The following CSPP1 variants were observed in gnomAD, a reference collection of about 807,000 sequenced individuals.
CSPP1 encodes the protein centrosome and spindle pole-associated protein 1.
Under a neutral mutation model 164.4 loss-of-function variants are expected in CSPP1, and 126 were observed. That is an observed-to-expected ratio of 0.77 (90% confidence interval 0.66 to 0.89). The LOEUF (loss-of-function observed/expected upper bound fraction) is 0.89. Ranked by LOEUF, CSPP1 falls within the 40% of genes least tolerant of loss-of-function variation. CSPP1 has a pLI of 0.00. For missense variants in CSPP1, 1,395 were observed against 1,449.8 expected (o/e 0.96, Z 0.61); for synonymous variants, 472 against 476.7 (o/e 0.99, Z 0.13).
chr8:67,179,407 C>G (rs1453108304), intron 27 of CSPP1, among the ~76,000 whole-genome samples: 2 of 152,126 alleles, frequency 1.3e-5, no homozygotes, highest in East Asian at 1.9e-4. Context: ...ATCTTTGTAT[C>G]CCCAGTTCCT....
intron 2 of CSPP1, among the ~76,000 whole-genome samples, chr8:67,075,124 G>A (rs373709401): frequency 5.3e-5 from 8 of 152,114 alleles, no homozygotes; most frequent in East Asian, 1.9e-4. Flanking sequence ...CTTTCTTAAA[G>A]CTTTCCTTGT....
Position 67,106,491 on chromosome 8 carries a change from T to G in CSPP1, c.1093+516T>G, listed in dbSNP as rs376601693. On this transcript the variant is annotated intron_variant, in intron 9 of 30. Transcript: ENST00000678616. ...TACAAAACTGCTGTGTATTTTAGTT[T>G]CTTTTCTCCAAATTAAACCTTTCTT... is the stretch of plus-strand genomic sequence containing the variant. Among the ~76,000 whole-genome samples, 7 of 152,322 alleles carry G rather than the reference T, an allele frequency of 4.6e-5. No homozygotes were observed. In the South Asian group the frequency reaches 8.3e-4, roughly 18 times the overall value.
chr8:67,140,234 A>G (rs1823229863), intron 17 of CSPP1, among the ~76,000 whole-genome samples: 1 of 151,942 alleles, frequency 6.6e-6, no homozygotes, highest in Non-Finnish European at 1.5e-5. Context: ...ATAGGCATGC[A>G]CCACCACACC....
intron 17 of CSPP1, among the ~76,000 whole-genome samples, chr8:67,148,221 A>G (rs1825004266): frequency 1.3e-5 from 2 of 152,100 alleles, no homozygotes; most frequent in African/African-American, 4.8e-5. Context: ...GCCCGGCCAG[A>G]CTAATATATT....
At chr8:67,086,213 G>T (rs1176088286) in intron 4 of CSPP1, 103 bp downstream of exon 4, 2 of 765,652 alleles carry the variant, frequency 2.6e-6, no homozygotes, top group South Asian at 1.4e-5. Flanking sequence ...TAGGTTTTCA[G>T]TGGTACTAGC....
chr8:67,064,388 G>A (rs1317973696), upstream of CSPP1: 5 of 1,612,534 alleles, frequency 3.1e-6, no homozygotes, highest in Admixed American at 1.7e-5. Flanking sequence ...GCCCCGGCCC[G>A]GAGGTCTGTC....
intron 4 of CSPP1, among the ~76,000 whole-genome samples, chr8:67,088,433 G>A (rs1247581847): frequency 6.6e-6 from 1 of 151,444 alleles, no homozygotes; most frequent in Non-Finnish European, 1.5e-5. Context: ...AACTACAGGC[G>A]TCCACCACCA....
In CSPP1 at chr8:67,092,958, G is replaced by A. The variant is rs186583929; in HGVS notation, c.385-585G>A. Among the ~76,000 whole-genome samples, 1,055 of 152,214 alleles carry A rather than the reference G, an allele frequency of 6.9e-3. 38 individuals carry two copies. Among genetic ancestry groups the A allele is most frequent in the Admixed American group, 0.059 (896 of 15,282 alleles). On this transcript the variant is annotated intron_variant, in intron 5 of 30. Transcript: ENST00000678616. ...ATGGTTAGCAGCAGGTGCTTCAGGG[G>A]AGTGGGTTGGGCATTAGGAGAGGGA...
intron 9 of CSPP1, 141 bp from the exon 10 acceptor site, chr8:67,111,831 C>T: frequency 2.0e-6 from 1 of 488,874 alleles, no homozygotes; most frequent in Non-Finnish European, 3.6e-6. Context: ...AGGACTGATT[C>T]ATGTGATTTT....
At chr8:67,145,520 CT>C (rs1053090081) in intron 17 of CSPP1, among the ~76,000 whole-genome samples, 13 of 143,636 alleles carry the variant, frequency 9.1e-5, no homozygotes, top group Admixed American at 1.4e-4. Flanking sequence ...TAATTTCTTT[CT>C]TTTTTTTTTG....
Position 67,103,086 on chromosome 8 carries a change from G to A in CSPP1, c.973G>A (p.Asp325Asn), listed in dbSNP as rs779705991. ...GNMPPMEHDG[D>N]VIEQSNIRIS... ...TATGCCTCCTATGGAACATGATGGG[G>A]ATGTTATAGAACAGTCAAACATAAG... The change falls in exon 8 of 31, where the codon GAT becomes AAT. Residue 325 changes from aspartate to asparagine, a missense_variant. Asp to Asn is a conservative substitution (Grantham distance 23). Coordinates refer to ENST00000678616, the MANE Select transcript of CSPP1 (RefSeq NM_001382391.1). 5 of 1,611,962 alleles carry A rather than the reference G, an allele frequency of 3.1e-6. No individual in the cohort carries two copies. The highest frequency in any genetic ancestry group is 1.7e-5 in the Admixed American group (1 of 60,018).
Position 67,158,499 on chromosome 8 carries a change from C to A in CSPP1, c.2294C>A (p.Ala765Glu), listed in dbSNP as rs376549634. Reference protein sequence around the residue: ...EEAERERLRIAEEKEERRLAE... With the variant: ...EEAERERLRIEEEKEERRLAE... ...GCAGAGCGAGAGAGACTGAGAATTG[C>A]AGAAGAAAAAGAAGAAAGACGGCTT... The change falls in exon 20 of 31, where the codon GCA becomes GAA. Residue 765 changes from alanine (A) to glutamate (E), a missense_variant. Coordinates refer to ENST00000678616, the MANE Select transcript of CSPP1 (RefSeq NM_001382391.1). 100 of 1,612,126 alleles carry A rather than the reference C, an allele frequency of 6.2e-5. No individual in the cohort carries two copies. The Admixed American group carries it at 8.7e-4, about 14-fold the overall frequency.
chr8:67,146,938 A>C (rs2129557309), intron 17 of CSPP1, among the ~76,000 whole-genome samples: 1 of 152,272 alleles, frequency 6.6e-6, no homozygotes, highest in Admixed American at 6.5e-5. Context: ...CAAATCATTT[A>C]TTTTACCATC....
chr8:67,158,426 T>C, intron 19 of CSPP1, 21 bp from the exon 20 acceptor site: 1 of 1,544,602 alleles, frequency 6.5e-7, no homozygotes, highest in Non-Finnish European at 8.8e-7. Context: ...ACAAGATAAA[T>C]AACTAAGTTT....
At chr8:67,175,175 C>G in intron 25 of CSPP1, 121 bp from the exon 26 acceptor site, 1 of 729,326 alleles carries the variant, frequency 1.4e-6, no homozygotes. Flanking sequence ...TGATGTTTCA[C>G]TATTTCTATC....
In CSPP1 at chr8:67,175,406, A is replaced by G. The variant is rs1427566627; in HGVS notation, c.3079A>G (p.Asn1027Asp). Reference sequence around the variant, plus strand: ...GCTAAGAGAGCAGCAGAAGAGGCTGAACAGAATAAAAATGCAGGAAGGTGC... The same window carrying G: ...GCTAAGAGAGCAGCAGAAGAGGCTGGACAGAATAAAAATGCAGGAAGGTGC... The part of the protein sequence containing the change: ...ALLREQQKRL[N>D]RIKMQEGAKV... The change falls in exon 26 of 31, where the codon AAC becomes GAC. Residue 1027 changes from asparagine (N) to aspartate (D), a missense_variant. Coordinates refer to ENST00000678616, the MANE Select transcript of CSPP1 (RefSeq NM_001382391.1). 1.2e-6 allele frequency: 2 copies of G among 1,614,208 alleles called. No homozygotes were observed. Among genetic ancestry groups the G allele is most frequent in the Non-Finnish European group, 1.7e-6 (2 of 1,180,020 alleles).
intron 2 of CSPP1, among the ~76,000 whole-genome samples, chr8:67,075,366 G>GT (rs1017367892): frequency 1.5e-4 from 23 of 151,460 alleles, no homozygotes; most frequent in African/African-American, 5.1e-4. Context: ...GTTGTCCAGT[G>GT]TTTTTTTCTG....
At chr8:67,069,245 C>G (rs1408703296) in intron 1 of CSPP1, 1 of 152,112 alleles carries the variant, frequency 6.6e-6, no homozygotes, top group Non-Finnish European at 1.5e-5. Context: ...GTGTCTTTGA[C>G]TCTTTAATAT....
intron 3 of CSPP1, among the ~76,000 whole-genome samples, 197 bp from the exon 4 acceptor site, chr8:67,085,810 T>C (rs1810275890): frequency 6.6e-6 from 1 of 152,114 alleles, no homozygotes; most frequent in Non-Finnish European, 1.5e-5. Context: ...GGCTCATGGA[T>C]GAGAATGATA....
Sources: allele counts gnomAD v4.1 joint callset (sites outside exome capture counted in the v4.1 genomes callset), GRCh38; gene constraint gnomAD v4.1.1; transcripts MANE v1.5; gene names NCBI Gene and HGNC (gene_info 2026-07-23, HGNC 2026-07-21).